Variants in UROC1 observed in about 807,000 individuals in gnomAD.
UROC1 encodes the protein urocanate hydratase 1.
A neutral mutation model predicts 89.5 loss-of-function variants in UROC1; 79 were observed. The observed-to-expected ratio is 0.88, with a 90% CI of 0.74 to 1.06. The LOEUF (loss-of-function observed/expected upper bound fraction) is 1.06. Among genes scored for constraint, UROC1 ranks in the 50% least tolerant of loss-of-function variants. UROC1 has a pLI of 0.00. For missense variants in UROC1, 885 were observed against 907.8 expected (o/e 0.97, Z 0.32); for synonymous variants, 361 against 354.8 (o/e 1.02, Z -0.20).
intron 12 of UROC1, 89 bp downstream of exon 12, chr3:126,499,968 C>T (rs772238405): frequency 4.6e-6 from 6 of 1,303,822 alleles, no homozygotes; most frequent in South Asian, 2.4e-5. Flanking sequence ...ATGGCACCTC[C>T]GAGTGAGGTG....
At chr3:126,496,479 T>C (rs963580161) in intron 14 of UROC1, among the ~76,000 whole-genome samples, 10 of 152,154 alleles carry the variant, frequency 6.6e-5, no homozygotes, top group Non-Finnish European at 8.8e-5. Context: ...GGGGGCTTTC[T>C]GAGGAAGTGG....
rs749606483 is a variant in UROC1, at chr3:126,507,768, C to G, written c.576G>C (p.Glu192Asp). 5.0e-6 allele frequency: 8 copies of G among 1,614,068 alleles called. No homozygotes were observed. The Admixed American group carries it at 8.3e-5, about 17-fold the overall frequency. The change falls in exon 6 of 20, where the codon GAG becomes GAC. Residue 192 changes from glutamate (E) to aspartate (D), a missense_variant. Physicochemically the swap from Glu to Asp is conservative, Grantham distance 45 (BLOSUM62 2). Coordinates refer to ENST00000290868, the MANE Select transcript of UROC1 (RefSeq NM_144639.3). Reference sequence around the variant, plus strand: ...TTGTAACCCCCAAGGCAAAGAGCTTCTCATACTCCGTCCGGGAGGAGTAGT... The same window carrying G: ...TTGTAACCCCCAAGGCAAAGAGCTTGTCATACTCCGTCCGGGAGGAGTAGT... ...IPNYSSRTEY[E>D]KLFALGVTMY...
chr3:126,492,318 G>T, intron 16 of UROC1, 100 bp downstream of exon 16: 2 of 1,155,546 alleles, frequency 1.7e-6, no homozygotes, highest in Non-Finnish European at 2.5e-6. Flanking sequence ...CACCCAGAAG[G>T]CTGTGGGGTG....
intron 2 of UROC1, among the ~76,000 whole-genome samples, chr3:126,510,461 T>C (rs1178640100): frequency 2.6e-5 from 4 of 152,330 alleles, no homozygotes; most frequent in Middle Eastern, 3.4e-3. Context: ...CCCTATCTTC[T>C]GGCAGGCTCA....
In UROC1 at chr3:126,517,600, C is replaced by T. The variant is rs1159596051; in HGVS notation, c.120G>A (p.Glu40=). ...PVRTPSLSPV[E]KQLALRNALR... The stretch of plus-strand genomic sequence containing the variant: ...GCACGGGCCCACTGCTTACCTGTTT[C>T]TCCACAGGGCTGAGGCTGGGGGTCC... The change falls in exon 1 of 20, where the codon GAG becomes GAA. Residue 40 remains glutamate, a synonymous_variant. Transcript: ENST00000290868. The T allele has an allele frequency of 6.2e-7, 1 of 1,612,366 alleles. No individual in the cohort carries two copies. Among genetic ancestry groups the T allele is most frequent in the Non-Finnish European group, 8.5e-7 (1 of 1,179,704 alleles).
chr3:126,488,359 T>A, intron 17 of UROC1, 80 bp from the exon 18 acceptor site: 1 of 1,544,550 alleles, frequency 6.5e-7, no homozygotes, highest in African/African-American at 1.4e-5. Context: ...CCTCGCTGGC[T>A]AAGCCAGCAC....
At chr3:126,502,308 A>C (rs375275611) in intron 9 of UROC1, among the ~76,000 whole-genome samples, 1 of 144,330 alleles carries the variant, frequency 6.9e-6, no homozygotes, top group South Asian at 2.2e-4. Context: ...GTCTCTGTGC[A>C]TGTTTATGCA....
At chr3:126,497,299 G>C (rs564286098) in intron 14 of UROC1, among the ~76,000 whole-genome samples, 2 of 152,290 alleles carry the variant, frequency 1.3e-5, no homozygotes, top group South Asian at 4.1e-4. Flanking sequence ...GAGAGACCGG[G>C]GTAAGAACTG....
At chr3:126,496,007 A>G (rs773631276) in intron 15 of UROC1, 31 bp downstream of exon 15, 24 of 1,605,872 alleles carry the variant, frequency 1.5e-5, no homozygotes, top group Admixed American at 5.1e-5. Flanking sequence ...CAGCACAGCC[A>G]CCCCAGCCTC....
chr3:126,517,297 C>G (rs1283800336), intron 1 of UROC1, among the ~76,000 whole-genome samples: 1 of 152,178 alleles, frequency 6.6e-6, no homozygotes, highest in Non-Finnish European at 1.5e-5. Flanking sequence ...ACACTTCACA[C>G]CCACCCAAGG....
At chr3:126,500,239 C>G (rs948096758) in intron 11 of UROC1, 85 bp from the exon 12 acceptor site, 3 of 1,379,978 alleles carry the variant, frequency 2.2e-6, no homozygotes, top group Non-Finnish European at 3.0e-6. Flanking sequence ...CCGCCATGCT[C>G]CCCACCAACT....
intron 10 of UROC1, 90 bp downstream of exon 10, chr3:126,501,128 C>G: frequency 7.1e-7 from 1 of 1,402,176 alleles, no homozygotes; most frequent in South Asian, 1.2e-5. Context: ...AGCTTTGTGT[C>G]CTGGCAGCTC....
intron 14 of UROC1, among the ~76,000 whole-genome samples, chr3:126,496,964 G>T (rs755575645): frequency 6.0e-4 from 91 of 152,250 alleles, no homozygotes; most frequent in Non-Finnish European, 1.2e-4. Context: ...GCAGCTCAGG[G>T]CTTCTTTCCG....
chr3:126,517,653 G>A lies in UROC1; in HGVS notation c.67C>T (p.Gln23Ter). 6.2e-7 allele frequency: 1 copy of A among 1,609,670 alleles called. No homozygotes were observed. Among genetic ancestry groups the A allele is most frequent in the South Asian group, 1.1e-5 (1 of 90,590 alleles). Reference protein sequence around the residue: ...LRPLPENRGRQAGVPHAPVRT... With the variant: ...LRPLPENRGR ...ACAGGGGCATGGGGCACCCCAGCCT[G>A]GCGTCCCCGGTTCTCTGGGAGGGGC... The change falls in exon 1 of 20, where the codon CAG becomes TAG. Residue 23 changes from glutamine to a stop codon, truncating the protein, a stop_gained. Coordinates refer to ENST00000290868, the MANE Select transcript of UROC1 (RefSeq NM_144639.3). LOFTEE classifies it high-confidence loss of function.
Position 126,511,181 on chromosome 3 carries a change from C to G in UROC1, c.127-387G>C, listed in dbSNP as rs566900345. Among the ~76,000 whole-genome samples the G allele has an allele frequency of 2.0e-5, 3 of 152,236 alleles. No individual in the cohort carries two copies. In the South Asian group the frequency reaches 6.2e-4, roughly 32 times the overall value. On this transcript the variant is annotated intron_variant, in intron 1 of 19. Coordinates refer to ENST00000290868, the MANE Select transcript of UROC1 (RefSeq NM_144639.3). ...GTAGACCCCACATGGCCTTAAGTAC[C>G]CTGTGCAAGTGCAAGCACATATAAG...
intron 12 of UROC1, among the ~76,000 whole-genome samples, chr3:126,499,636 G>T (rs1047799119): frequency 2.0e-5 from 3 of 152,258 alleles, no homozygotes; most frequent in Non-Finnish European, 4.4e-5. Context: ...CCTCCAGCGC[G>T]CCAGAGCCCG....
At position 126,504,029 on chromosome 3, in the gene UROC1, T is replaced by C. The variant is rs1935997824; in HGVS notation, c.868A>G (p.Thr290Ala). Residue 290 changes from threonine (T) to alanine (A), a missense_variant, in exon 9 of 20, where the codon ACT becomes GCT. Transcript: ENST00000290868. Reference protein sequence around the residue: ...RHRQGWLMEVTDSLDRCIQRL... With the variant: ...RHRQGWLMEVADSLDRCIQRL... Reference sequence around the variant, plus strand: ...TGGATGCAGCGGTCCAAGCTGTCAGTCACTTCCATCAGCCAGCCCTGCCTG... The same window carrying C: ...TGGATGCAGCGGTCCAAGCTGTCAGCCACTTCCATCAGCCAGCCCTGCCTG... 2 of 1,614,132 alleles carry C rather than the reference T, an allele frequency of 1.2e-6. No individual in the cohort carries two copies. The highest frequency in any genetic ancestry group is 8.5e-7 in the Non-Finnish European group (1 of 1,180,036).
At chr3:126,509,743 C>T in intron 2 of UROC1, 65 bp from the exon 3 acceptor site, 6 of 1,451,310 alleles carry the variant, frequency 4.1e-6, no homozygotes, top group Non-Finnish European at 5.7e-6. Flanking sequence ...AGCCTGGCCC[C>T]GCCCAGCCCC....
intron 17 of UROC1, 86 bp downstream of exon 17, chr3:126,489,190 C>T (rs778744338): frequency 1.8e-5 from 24 of 1,331,838 alleles, no homozygotes; most frequent in African/African-American, 7.2e-5. Context: ...GAACATCTTT[C>T]GAAACATTGT....
Sources: gnomAD v4.1 joint callset for allele counts (sites outside exome capture counted in the v4.1 genomes callset) on GRCh38, gnomAD v4.1.1 for gene constraint, MANE v1.5 for transcripts, NCBI Gene and HGNC (gene_info 2026-07-23, HGNC 2026-07-21) for gene names.